The following GALNT5 variants were observed in gnomAD, a reference collection of about 807,000 sequenced individuals.
GALNT5 encodes UDP-GalNAc:polypeptide N-acetylgalactosaminyltransferase 5.
A neutral mutation model predicts 85.4 loss-of-function variants in GALNT5; 72 were observed. The observed-to-expected ratio is 0.84, with a 90% CI of 0.70 to 1.03. The LOEUF is 1.03. Among genes scored for constraint, GALNT5 ranks in the 50% least tolerant of loss-of-function variants. The pLI is 0.00. For synonymous variants in GALNT5, 404 were observed against 397.0 expected, an observed-to-expected ratio of 1.02 and a Z score of -0.21; for missense variants, 1,137 against 1,135.5, an observed-to-expected ratio of 1.00 and a Z score of -0.02.
At chr2:157,296,976 A>G (rs1004661008) in intron 5 of GALNT5, among the ~76,000 whole-genome samples, 6 of 152,220 alleles carry the variant, frequency 3.9e-5, no homozygotes, top group African/African-American at 1.4e-4. Flanking sequence ...AAATTTAAAA[A>G]TTGATTCAGA....
At position 157,311,182 on chromosome 2, in the gene GALNT5, C is replaced by T. The variant is rs778687730; in HGVS notation, c.2683-26C>T. 6 of 1,587,202 alleles carry T rather than the reference C, an allele frequency of 3.8e-6. No homozygotes were observed. In the African/African-American group the frequency reaches 8.1e-5, roughly 22 times the overall value. ...CAGTTATCAAATTCAGCCTGTGGCT[C>T]ATTCCCAGCTCTTCTTTCTCTCCAG... On this transcript the variant is annotated intron_variant, in intron 9 of 9. Transcript: ENST00000259056.
rs1683724904 is a variant in GALNT5 at position 157,317,158 on chromosome 2, T to C, written c.*5810T>C. 1.4e-5 allele frequency among the ~76,000 whole-genome samples: 2 copies of C among 147,032 alleles called. No individual in the cohort carries two copies. Among genetic ancestry groups the C allele is most frequent in the African/African-American group, 5.0e-5 (2 of 40,094 alleles). ...TCAAAAACATAGCAATTTTTGTAAA[T>C]ATACTGTATGTGTGTGTATATATAT... On this transcript the variant is annotated 3_prime_UTR_variant, in exon 10 of 10. Transcript: ENST00000259056.
At position 157,258,810 on chromosome 2, in the gene GALNT5, G is replaced by A. The variant is rs770059718; in HGVS notation, c.728G>A (p.Ser243Asn). The A allele has an allele frequency of 5.0e-6, 8 of 1,598,162 alleles. No individual in the cohort carries two copies. Among genetic ancestry groups the A allele is most frequent in the South Asian group, 4.5e-5 (4 of 89,670 alleles). Residue 243 changes from serine (S) to asparagine (N), a missense_variant, in exon 1 of 10, where the codon AGC (serine) becomes AAC (asparagine). Physicochemically the swap from Ser to Asn is conservative, Grantham distance 46. Coordinates refer to ENST00000259056, the MANE Select transcript of GALNT5 (RefSeq NM_014568.3). ...GCAAACGAGAGGGCACACCCTGCCA[G>A]CACAGCAGTGCCGAAGTCTGGGGAA... ...AVANERAHPA[S>N]TAVPKSGEAM...
intron 3 of GALNT5, among the ~76,000 whole-genome samples, chr2:157,289,559 T>G (rs1349347876): frequency 6.6e-6 from 1 of 152,172 alleles, no homozygotes; most frequent in East Asian, 1.9e-4. Flanking sequence ...ATTGATTCAC[T>G]AAGGGAATCT....
At position 157,315,155 on chromosome 2, in the gene GALNT5, G is replaced by A. The variant is rs1423726173; in HGVS notation, c.*3807G>A. ...TTAAAACAAAAAAATGACATTGGGT[G>A]ATGGGAAAAAAGAAAGGAACTAATT... On this transcript the variant is annotated 3_prime_UTR_variant, in exon 10 of 10. Transcript: ENST00000259056. Among the ~76,000 whole-genome samples the A allele has an allele frequency of 6.6e-6, 1 of 152,110 alleles. No homozygotes were observed. The highest frequency in any genetic ancestry group is 1.5e-5 in the Non-Finnish European group (1 of 68,012).
rs576967832 is a variant in GALNT5, at chr2:157,315,396, C to A, written c.*4048C>A. ...ATTTTATCTGGCTCAAAAAAAATTT[C>A]TCTCACTATACCATGCTGCTATATA... On this transcript the variant is annotated 3_prime_UTR_variant, in exon 10 of 10. Coordinates refer to ENST00000259056, the MANE Select transcript of GALNT5 (RefSeq NM_014568.3). 2.0e-5 allele frequency among the ~76,000 whole-genome samples: 3 copies of A among 152,308 alleles called. No individual in the cohort carries two copies. The South Asian group carries it at 6.2e-4, about 32-fold the overall frequency.
chr2:157,300,419 GATTT>G (rs1418458868), intron 6 of GALNT5, among the ~76,000 whole-genome samples: 1 of 151,980 alleles, frequency 6.6e-6, no homozygotes, highest in Non-Finnish European at 1.5e-5. Flanking sequence ...ATTCTGTGAA[GATTT>G]ATTTACAAAT....
chr2:157,287,757 A>T (rs77265543), intron 3 of GALNT5, among the ~76,000 whole-genome samples: 7,719 of 152,218 alleles, frequency 0.051, 341 homozygotes, highest in East Asian at 0.16. Flanking sequence ...CTATTTTATG[A>T]GTATTCTAAA....
In GALNT5 at chr2:157,315,345, C is replaced by A. The variant is rs1457924782; in HGVS notation, c.*3997C>A. Among the ~76,000 whole-genome samples, 1 of 152,152 alleles carries A rather than the reference C, an allele frequency of 6.6e-6. No homozygotes were observed. The highest frequency in any genetic ancestry group is 2.4e-5 in the African/African-American group (1 of 41,418). ...TGGTAAATTGCCCAAGGTCATCCCA[C>A]AAGTAAGAGATAAAACCCAGTTTCC... On this transcript the variant is annotated 3_prime_UTR_variant, in exon 10 of 10. Coordinates refer to ENST00000259056, the MANE Select transcript of GALNT5 (RefSeq NM_014568.3).
In GALNT5 at chr2:157,259,490, G is replaced by A. The variant is rs370474887; in HGVS notation, c.1408G>A (p.Asp470Asn). 10 of 1,433,410 alleles carry A rather than the reference G, an allele frequency of 7.0e-6. No individual in the cohort carries two copies. The highest frequency in any genetic ancestry group is 2.4e-5 in the Admixed American group (1 of 40,936). 88.8% of individuals were successfully genotyped at this position (1,433,410 alleles called of 1,614,324 possible). ...KEGNFNVYLS[D>N]LIPVDRAIED... ...AGGAAACTTCAATGTCTACCTTAGC[G>A]ATTTGATCCCAGTGGATAGAGCCAT... is the stretch of plus-strand genomic sequence containing the variant. The change falls in exon 1 of 10, where the codon GAT becomes AAT. Residue 470 changes from aspartate to asparagine, a missense_variant. By Grantham distance (23) the Asp-to-Asn change is conservative. Coordinates refer to ENST00000259056, the MANE Select transcript of GALNT5 (RefSeq NM_014568.3).
In GALNT5 at chr2:157,258,303, T is replaced by A. The variant is rs761331227; in HGVS notation, c.221T>A (p.Met74Lys). 3.8e-6 allele frequency: 6 copies of A among 1,596,926 alleles called. No individual in the cohort carries two copies. In the East Asian group the frequency reaches 1.3e-4, roughly 36 times the overall value. ...ATTTTTTACAGCAGCATAAAAGAGA[T>A]GAAACCTCCCCTAAGGGGACATGGG... Reference protein sequence around the residue: ...GKIFYSSIKEMKPPLRGHGKG... With the variant: ...GKIFYSSIKEKKPPLRGHGKG... The change falls in exon 1 of 10, where the codon ATG (methionine) becomes AAG (lysine). Residue 74 changes from methionine (M) to lysine (K), a missense_variant. By Grantham distance (95) the Met-to-Lys change is moderately conservative. Coordinates refer to ENST00000259056, the MANE Select transcript of GALNT5 (RefSeq NM_014568.3).
intron 1 of GALNT5, among the ~76,000 whole-genome samples, chr2:157,274,038 T>C (rs552810953): frequency 9.5e-4 from 144 of 151,988 alleles, no homozygotes; most frequent in Non-Finnish European, 1.8e-3. Flanking sequence ...AGTGTTCTCA[T>C]TGTTCAATTC....
At chr2:157,303,440 T>C (rs1462702183) in intron 7 of GALNT5, among the ~76,000 whole-genome samples, 1 of 152,196 alleles carries the variant, frequency 6.6e-6, no homozygotes, top group East Asian at 1.9e-4. Context: ...AATGTCTACT[T>C]CCTAAATTGG....
At chr2:157,259,783 CT>C (rs1558887323) in intron 1 of GALNT5, among the ~76,000 whole-genome samples, 2 of 152,208 alleles carry the variant, frequency 1.3e-5, no homozygotes, top group African/African-American at 4.8e-5. Flanking sequence ...TTTCTTCCCT[CT>C]GTTGAAAACC....
rs989680087 is a variant in GALNT5 at position 157,317,143 on chromosome 2, A to G, written c.*5795A>G. ...TTTTTAAGTGACCACTCAAAAACAT[A>G]GCAATTTTTGTAAATATACTGTATG... is the stretch of plus-strand genomic sequence containing the variant. On this transcript the variant is annotated 3_prime_UTR_variant, in exon 10 of 10. Transcript: ENST00000259056. 6.7e-6 allele frequency among the ~76,000 whole-genome samples: 1 copy of G among 149,014 alleles called. No homozygotes were observed. The highest frequency in any genetic ancestry group is 1.5e-5 in the Non-Finnish European group (1 of 67,304).
intron 1 of GALNT5, among the ~76,000 whole-genome samples, chr2:157,269,869 A>G (rs1383571900): frequency 1.3e-5 from 2 of 152,086 alleles, no homozygotes. Context: ...CCAAATTTTA[A>G]CCATAAAGCA....
In GALNT5 at chr2:157,317,204, T is replaced by TA. The variant is rs1683732489; in HGVS notation, c.*5856_*5857insA. 6.8e-6 allele frequency among the ~76,000 whole-genome samples: 1 copy of TA among 147,542 alleles called. No individual in the cohort carries two copies. Among genetic ancestry groups the TA allele is most frequent in the Non-Finnish European group, 1.5e-5 (1 of 66,808 alleles). On this transcript the variant is annotated 3_prime_UTR_variant, in exon 10 of 10. Transcript: ENST00000259056. The stretch of plus-strand genomic sequence containing the variant: ...TATATATATATATATATATATTTTT[T>TA]TTTTTGATGCTTTGATCTGGAAGAA...
At chr2:157,289,992 G>A (rs1683058853) in intron 3 of GALNT5, among the ~76,000 whole-genome samples, 1 of 150,968 alleles carries the variant, frequency 6.6e-6, no homozygotes, top group Non-Finnish European at 1.5e-5. Flanking sequence ...AGAATCTCTT[G>A]AACCCGGGAG....
chr2:157,317,857 T>C lies in GALNT5; in HGVS notation c.*6509T>C, dbSNP rs1683750932. Among the ~76,000 whole-genome samples the C allele has an allele frequency of 6.6e-6, 1 of 152,148 alleles. No homozygotes were observed. Among genetic ancestry groups the C allele is most frequent in the South Asian group, 2.1e-4 (1 of 4,828 alleles). On this transcript the variant is annotated 3_prime_UTR_variant, in exon 10 of 10. Coordinates refer to ENST00000259056, the MANE Select transcript of GALNT5 (RefSeq NM_014568.3). ...ATTGTGTTTGTATTGATTGCCTGGC[T>C]CAGTTATCTCATGTTCTTCATGAAC...
Sources: allele counts gnomAD v4.1 joint callset (sites outside exome capture counted in the v4.1 genomes callset), GRCh38; gene constraint gnomAD v4.1.1; transcripts MANE v1.5; gene names NCBI Gene and HGNC (gene_info 2026-07-23, HGNC 2026-07-21).